Variants in MCM3 observed in about 807,000 individuals in gnomAD.
MCM3 encodes DNA replication licensing factor MCM3.
MCM3 carries 59 observed loss-of-function variants against 91.3 expected under a neutral mutation model. That is an observed-to-expected ratio of 0.65 (90% confidence interval 0.52 to 0.80). The LOEUF (loss-of-function observed/expected upper bound fraction) is 0.80, where lower values mean the gene tolerates loss of function less well. Among genes scored for constraint, MCM3 ranks in the 30% least tolerant of loss-of-function variants. The pLI, the probability that MCM3 is intolerant of heterozygous loss-of-function variation, is 0.00. For synonymous variants in MCM3, 383 were observed against 379.6 expected (o/e 1.01, Z -0.10); for missense variants, 919 against 1,035.4 (o/e 0.89, Z 1.54).
At chr6:52,283,770 T>C (rs943831296) in intron 1 of MCM3, among the ~76,000 whole-genome samples, 9 of 152,238 alleles carry the variant, frequency 5.9e-5, no homozygotes, top group African/African-American at 2.2e-4. Flanking sequence ...AACCTAGCAA[T>C]GTGAATGTTA....
intron 12 of MCM3, among the ~76,000 whole-genome samples, chr6:52,271,862 C>G (rs545831151): frequency 6.6e-6 from 1 of 152,330 alleles, no homozygotes; most frequent in South Asian, 2.1e-4. Flanking sequence ...CGTCTATGCT[C>G]AAATAGCCTT....
chr6:52,269,021 G>A (rs1764871627), intron 13 of MCM3, 65 bp downstream of exon 13: 1 of 1,519,798 alleles, frequency 6.6e-7, no homozygotes, highest in Admixed American at 1.9e-5. Flanking sequence ...ACGGAAGGCT[G>A]GGAAGCCCAT....
Position 52,264,802 on chromosome 6 carries a change from G to A in MCM3, c.2229-16C>T. ...TGCCTTCAACCTGCCCCAGACAGAA[G>A]AAAGGGGGAAGAGGAGTAAACAAAC... On this transcript the variant is annotated splice_polypyrimidine_tract_variant and intron_variant, in intron 16 of 16. Coordinates refer to ENST00000596288, the MANE Select transcript of MCM3 (RefSeq NM_002388.6). 6.2e-7 allele frequency: 1 copy of A among 1,610,714 alleles called. No individual in the cohort carries two copies. The highest frequency in any genetic ancestry group is 8.5e-7 in the Non-Finnish European group (1 of 1,179,240).
intron 2 of MCM3, among the ~76,000 whole-genome samples, 187 bp downstream of exon 2, chr6:52,283,107 T>C (rs1360589330): frequency 6.7e-6 from 1 of 149,722 alleles, no homozygotes; most frequent in Admixed American, 6.7e-5. Flanking sequence ...GGAGGGGCAT[T>C]TGGGAGGAAA....
At chr6:52,265,124 C>A in intron 16 of MCM3, 1 of 369,432 alleles carries the variant, frequency 2.7e-6, no homozygotes, top group Non-Finnish European at 5.2e-6. Flanking sequence ...CACCTTATAG[C>A]TATACTTGCA....
In MCM3 at chr6:52,277,188, G is replaced by A. The variant is rs760955789; in HGVS notation, c.1044C>T (p.Ser348=). 55 of 1,612,812 alleles carry A rather than the reference G, an allele frequency of 3.4e-5. No individual in the cohort carries two copies. Among genetic ancestry groups the A allele is most frequent in the Admixed American group, 1.0e-4 (6 of 59,990 alleles). Reference sequence around the variant, plus strand: ...ACCGCAGAAGCTGAGACTTGGCAACGGATGGGTCTCCTGTAGGGTGGGGGC... The same window carrying A: ...ACCGCAGAAGCTGAGACTTGGCAACAGATGGGTCTCCTGTAGGGTGGGGGC... ...DINILLIGDP[S]VAKSQLLRYV... The change falls in exon 8 of 17, where the codon TCC becomes TCT. Residue 348 remains serine, a synonymous_variant. Coordinates refer to ENST00000596288, the MANE Select transcript of MCM3 (RefSeq NM_002388.6).
At chr6:52,264,813 G>C in intron 16 of MCM3, 27 bp from the exon 17 acceptor site, 1 of 1,608,384 alleles carries the variant, frequency 6.2e-7, no homozygotes, top group Non-Finnish European at 8.5e-7. Flanking sequence ...AAAGGGGGAA[G>C]AGGAGTAAAC....
At chr6:52,283,488 T>C (rs1353798215) in intron 1 of MCM3, 82 bp from the exon 2 acceptor site, 1 of 941,642 alleles carries the variant, frequency 1.1e-6, no homozygotes, top group Non-Finnish European at 1.8e-6. Flanking sequence ...CATAGCCAGA[T>C]AGCTAAGTCA....
chr6:52,277,389 CA>C (rs60481410), intron 7 of MCM3, 145 bp downstream of exon 7: 107,724 of 733,576 alleles, frequency 0.15, 375 homozygotes, highest in East Asian at 0.24. Context: ...CCAGAGATGA[CA>C]AAAAAAAAAA....
chr6:52,278,741 C>T lies in MCM3; in HGVS notation c.879+1G>A. 6.2e-7 allele frequency: 1 copy of T among 1,608,186 alleles called. No homozygotes were observed. On this transcript the variant is annotated splice_donor_variant, in intron 6 of 16. Coordinates refer to ENST00000596288, the MANE Select transcript of MCM3 (RefSeq NM_002388.6). LOFTEE classifies it high-confidence loss of function. ...CTCAAATTTCTAAAGGATGCCCAGA[C>T]CTTGGATCGGGTTTTACTGAACTTC...
At chr6:52,281,847 AAAAT>A (rs890502265) in intron 4 of MCM3, among the ~76,000 whole-genome samples, 194 bp downstream of exon 4, 9 of 152,182 alleles carry the variant, frequency 5.9e-5, no homozygotes, top group Non-Finnish European at 1.3e-4. Context: ...CTCATCTTTA[AAAAT>A]AAATAAATAA....
intron 12 of MCM3, among the ~76,000 whole-genome samples, chr6:52,271,989 T>C (rs867844450): frequency 2.2e-4 from 33 of 152,094 alleles, no homozygotes; most frequent in Admixed American, 6.5e-4. Context: ...TTGAAAAGAG[T>C]GTTTATTAAT....
Position 52,273,839 on chromosome 6 carries a change from G to C in MCM3, c.1452C>G (p.Ile484Met). The change falls in exon 10 of 17, where the codon ATC becomes ATG. Residue 484 changes from isoleucine (I) to methionine (M), a missense_variant. Ile to Met is a conservative substitution (Grantham distance 10). Transcript: ENST00000596288. ...GCTCAGGATCCATCTGATCCAGCAT[G>C]ATGAAGAGCAAGTCAAATCGTGACA... Reference protein sequence around the residue: ...SLLSRFDLLFIMLDQMDPEQD... With the variant: ...SLLSRFDLLFMMLDQMDPEQD... 6.2e-7 allele frequency: 1 copy of C among 1,614,174 alleles called. No individual in the cohort carries two copies. The highest frequency in any genetic ancestry group is 8.5e-7 in the Non-Finnish European group (1 of 1,180,006).
intron 13 of MCM3, among the ~76,000 whole-genome samples, chr6:52,268,298 A>T (rs1427682603): frequency 6.6e-6 from 1 of 152,228 alleles, no homozygotes; most frequent in Non-Finnish European, 1.5e-5. Context: ...ATTGAAATCC[A>T]AGACAACCCT....
Position 52,269,240 on chromosome 6 carries a change from G to C in MCM3, c.1828-14C>G. ...AACTGGAGATGTCTAGGGAAGAAAA[G>C]GGAGGATTGCTTATCCCAAGTCTTT... On this transcript the variant is annotated splice_polypyrimidine_tract_variant and intron_variant, in intron 12 of 16. Coordinates refer to ENST00000596288, the MANE Select transcript of MCM3 (RefSeq NM_002388.6). 5.0e-6 allele frequency: 8 copies of C among 1,600,286 alleles called. No homozygotes were observed. The highest frequency in any genetic ancestry group is 1.3e-5 in the African/African-American group (1 of 74,828).
chr6:52,277,741 G>A (rs917967024), intron 6 of MCM3, 53 bp from the exon 7 acceptor site: 2 of 1,551,356 alleles, frequency 1.3e-6, no homozygotes, highest in African/African-American at 2.7e-5. Context: ...GGGACTTTGT[G>A]GAGCTCCACT....
intron 12 of MCM3, among the ~76,000 whole-genome samples, chr6:52,270,727 G>A (rs17246499): frequency 0.016 from 2,377 of 152,178 alleles, 55 homozygotes; most frequent in African/African-American, 0.055. Context: ...AGAGGGCCTG[G>A]GACACACCAG....
At position 52,282,829 on chromosome 6, in the gene MCM3, G is replaced by C. The variant is rs564804648; in HGVS notation, c.224C>G (p.Ala75Gly). 3 of 1,613,978 alleles carry C rather than the reference G, an allele frequency of 1.9e-6. No homozygotes were observed. The highest frequency in any genetic ancestry group is 1.1e-5 in the South Asian group (1 of 91,080). ...AAAATCCTTTAAGGCCCGCTGGAAGGCAACCAGCTCCTCAAAGGCATTGTT... is the reference window on the plus strand; with the variant it reads ...AAAATCCTTTAAGGCCCGCTGGAAGCCAACCAGCTCCTCAAAGGCATTGTT... ...LLNNAFEELV[A>G]FQRALKDFVA... The change falls in exon 3 of 17, where the codon GCC (alanine) becomes GGC (glycine). Residue 75 changes from alanine (A) to glycine (G), a missense_variant. By Grantham distance (60) the Ala-to-Gly change is moderately conservative. Around this residue, in one of 3 missense-constraint regions of MCM3, gnomAD observed 401 missense variants for 402.7 expected, o/e 1.00. Coordinates refer to ENST00000596288, the MANE Select transcript of MCM3 (RefSeq NM_002388.6).
chr6:52,282,505 G>C, intron 3 of MCM3, 148 bp downstream of exon 3: 2 of 668,986 alleles, frequency 3.0e-6, no homozygotes, highest in Non-Finnish European at 5.2e-6. Context: ...CCCAATCATT[G>C]TACACACTGA....
Sources: gnomAD v4.1 joint callset for allele counts (sites outside exome capture counted in the v4.1 genomes callset) on GRCh38, gnomAD v4.1.1 for gene constraint, gnomAD v4.1.1 regional missense constraint, MANE v1.5 for transcripts, NCBI Gene and HGNC (gene_info 2026-07-23, HGNC 2026-07-21) for gene names.